The following CDH18 variants were observed in gnomAD, a reference collection of about 807,000 sequenced individuals.
CDH18 encodes the protein cadherin 18.
A neutral mutation model predicts 67.9 loss-of-function variants in CDH18; 31 were observed. The observed-to-expected ratio is 0.46, with a 90% confidence interval of 0.34 to 0.62. The LOEUF (loss-of-function observed/expected upper bound fraction) is 0.62. CDH18 is among the 20% of genes least tolerant of loss of function. The pLI, the probability that CDH18 is intolerant of heterozygous loss-of-function variation, is 0.01. For synonymous variants in CDH18, 362 were observed against 347.2 expected (o/e 1.04, Z -0.48); for missense variants, 890 against 975.5 (o/e 0.91, Z 1.17).
At chr5:20,086,135 G>GATATGGT (rs1744930749) in intron 2 of CDH18, among the ~76,000 whole-genome samples, 1 of 152,170 alleles carries the variant, frequency 6.6e-6, no homozygotes, top group East Asian at 1.9e-4. Flanking sequence ...CCTTATTGCT[G>GATATGGT]ATATGGTGAA....
chr5:20,537,773 A>G (rs979926487), intron 1 of CDH18, among the ~76,000 whole-genome samples: 6 of 152,182 alleles, frequency 3.9e-5, no homozygotes, highest in Non-Finnish European at 7.3e-5. Flanking sequence ...AAAGTTATAA[A>G]GAATAAAAAT....
chr5:20,283,373 G>T (rs776368128), intron 1 of CDH18, among the ~76,000 whole-genome samples: 29 of 151,994 alleles, frequency 1.9e-4, no homozygotes, highest in Non-Finnish European at 3.5e-4. Flanking sequence ...AATTACCAGA[G>T]TATATAAGGA....
At chr5:19,864,446 T>C (rs1022760697) in intron 2 of CDH18, among the ~76,000 whole-genome samples, 1 of 151,214 alleles carries the variant, frequency 6.6e-6, no homozygotes, top group Non-Finnish European at 1.5e-5. Context: ...AGTTAATGGG[T>C]GCAGCACACC....
At chr5:20,260,397 T>C (rs1744559281) in intron 1 of CDH18, among the ~76,000 whole-genome samples, 1 of 152,064 alleles carries the variant, frequency 6.6e-6, no homozygotes, top group Non-Finnish European at 1.5e-5. Context: ...CCAGGGGCTC[T>C]ACTTACGGAA....
intron 2 of CDH18, among the ~76,000 whole-genome samples, chr5:20,012,626 C>T (rs1425059220): frequency 6.6e-6 from 1 of 151,994 alleles, no homozygotes; most frequent in Non-Finnish European, 1.5e-5. Flanking sequence ...TCAGAGATGA[C>T]ACAAACAAAT....
intron 2 of CDH18, among the ~76,000 whole-genome samples, chr5:19,882,807 A>G (rs1232950280): frequency 6.6e-6 from 1 of 152,168 alleles, no homozygotes; most frequent in Admixed American, 6.6e-5. Context: ...ATGATTATGG[A>G]ATAGATATTA....
At chr5:19,944,488 T>C (rs148383488) in intron 2 of CDH18, among the ~76,000 whole-genome samples, 304 of 152,254 alleles carry the variant, frequency 2.0e-3, no homozygotes, top group African/African-American at 6.9e-3. Flanking sequence ...GCTGAGAAGA[T>C]AGAGATATAA....
intron 5 of CDH18, among the ~76,000 whole-genome samples, chr5:19,714,266 G>C (rs1441671850): frequency 1.8e-5 from 2 of 109,020 alleles, no homozygotes; most frequent in African/African-American, 5.1e-5. Flanking sequence ...ATACAGGGAA[G>C]TTGGAAAAAT....
chr5:19,751,540 A>G (rs971982586), intron 3 of CDH18, among the ~76,000 whole-genome samples: 3 of 152,218 alleles, frequency 2.0e-5, no homozygotes, highest in Non-Finnish European at 4.4e-5. Context: ...AACATGGGGA[A>G]TACATGTCAC....
intron 1 of CDH18, among the ~76,000 whole-genome samples, chr5:20,271,560 G>C (rs11747838): frequency 6.6e-6 from 1 of 151,792 alleles, no homozygotes; most frequent in Non-Finnish European, 1.5e-5. Flanking sequence ...CAATGATTAC[G>C]TGTTAATTAA....
chr5:19,857,522 T>C (rs906001414), intron 2 of CDH18, among the ~76,000 whole-genome samples: 1 of 152,108 alleles, frequency 6.6e-6, no homozygotes, highest in Non-Finnish European at 1.5e-5. Context: ...AACACAGACA[T>C]ACTCAGAAAC....
At chr5:20,461,734 C>T (rs1751278824) in intron 1 of CDH18, among the ~76,000 whole-genome samples, 1 of 152,096 alleles carries the variant, frequency 6.6e-6, no homozygotes, top group Non-Finnish European at 1.5e-5. Context: ...TCTATGTATA[C>T]ATTTATGCTC....
intron 10 of CDH18, among the ~76,000 whole-genome samples, chr5:19,511,822 T>C (rs1476288990): frequency 6.6e-6 from 1 of 152,152 alleles, no homozygotes; most frequent in Non-Finnish European, 1.5e-5. Context: ...ATTTGAAGCC[T>C]GACAATGAAA....
chr5:19,650,472 G>T (rs1755411904), intron 5 of CDH18, among the ~76,000 whole-genome samples: 2 of 151,962 alleles, frequency 1.3e-5, no homozygotes, highest in Non-Finnish European at 2.9e-5. Flanking sequence ...AAATTGAAAA[G>T]CAAAAGCTAA....
intron 3 of CDH18, among the ~76,000 whole-genome samples, chr5:19,828,005 A>T (rs946205883): frequency 6.6e-6 from 1 of 152,168 alleles, no homozygotes; most frequent in African/African-American, 2.4e-5. Context: ...AAGAGAAAAG[A>T]TCCATATAAA....
intron 5 of CDH18, among the ~76,000 whole-genome samples, chr5:19,619,299 G>T (rs1750331982): frequency 6.6e-6 from 1 of 152,168 alleles, no homozygotes. Context: ...GCTATGATTA[G>T]AATGTTCAAT....
At chr5:19,732,868 A>G (rs1767803372) in intron 4 of CDH18, among the ~76,000 whole-genome samples, 1 of 152,036 alleles carries the variant, frequency 6.6e-6, no homozygotes, top group Non-Finnish European at 1.5e-5. Flanking sequence ...AACCTTGTAA[A>G]ACTTGTTTCT....
At chr5:20,254,305 T>G (rs2089552) in intron 2 of CDH18, among the ~76,000 whole-genome samples, 73,879 of 151,690 alleles carry the variant, frequency 0.49, 18,383 homozygotes, top group African/African-American at 0.61. Context: ...TAGAGACAGG[T>G]TTTCACACAT....
intron 1 of CDH18, among the ~76,000 whole-genome samples, chr5:20,455,706 T>G (rs1750791334): frequency 6.6e-6 from 1 of 152,088 alleles, no homozygotes; most frequent in African/African-American, 2.4e-5. Flanking sequence ...ATATAACTTT[T>G]TTATATTTAT....
Sources: gnomAD v4.1 joint callset for allele counts (sites outside exome capture counted in the v4.1 genomes callset) on GRCh38, gnomAD v4.1.1 for gene constraint, MANE v1.5 for transcripts, NCBI Gene and HGNC (gene_info 2026-07-23, HGNC 2026-07-21) for gene names.